ACSS3: variants seen among roughly 807,000 people sequenced by gnomAD.
ACSS3 encodes the protein acyl-CoA synthetase short chain family member 3.
ACSS3 carries 64 observed loss-of-function variants against 84.2 expected under a neutral mutation model. The ratio of observed to expected loss-of-function variants is 0.76; its 90% CI spans 0.62 to 0.94. The LOEUF is 0.94. ACSS3 is among the 40% of genes least tolerant of loss of function. The pLI is 0.00. For synonymous variants in ACSS3, 317 were observed against 310.1 expected, an observed-to-expected ratio of 1.02 and a Z score of -0.23; for missense variants, 815 against 867.6, an observed-to-expected ratio of 0.94 and a Z score of 0.76.
chr12:81,137,950 C>A (rs548031318), intron 3 of ACSS3, among the ~76,000 whole-genome samples: 1 of 152,206 alleles, frequency 6.6e-6, no homozygotes, highest in South Asian at 2.1e-4. Context: ...CAGAACTGGC[C>A]TTCCTTCTGC....
chr12:81,130,521 A>T (rs1361100211), intron 2 of ACSS3, among the ~76,000 whole-genome samples: 2 of 152,076 alleles, frequency 1.3e-5, no homozygotes, highest in Non-Finnish European at 2.9e-5. Flanking sequence ...TAGATTCTGG[A>T]TATTAGCTCT....
intron 2 of ACSS3, among the ~76,000 whole-genome samples, chr12:81,128,988 C>G (rs1424709611): frequency 6.6e-6 from 1 of 152,014 alleles, no homozygotes; most frequent in East Asian, 1.9e-4. Flanking sequence ...GACATTTAGC[C>G]CTGAAAACTA....
intron 7 of ACSS3, among the ~76,000 whole-genome samples, chr12:81,173,383 C>T (rs2030223941): frequency 1.3e-5 from 2 of 151,898 alleles, no homozygotes; most frequent in Admixed American, 6.6e-5. Context: ...TTTTCAGCTG[C>T]AGGAAATACT....
intron 8 of ACSS3, among the ~76,000 whole-genome samples, chr12:81,178,283 G>A (rs1316528391): frequency 6.8e-6 from 1 of 147,076 alleles, no homozygotes; most frequent in African/African-American, 2.5e-5. Flanking sequence ...ATGGACACAG[G>A]AAGGGGAACA....
chr12:81,130,586 A>G (rs1221836351), intron 2 of ACSS3, among the ~76,000 whole-genome samples: 2 of 151,934 alleles, frequency 1.3e-5, no homozygotes, highest in African/African-American at 4.8e-5. Context: ...TTGCATGTTC[A>G]CTCTGATGGT....
At chr12:81,156,623 A>G (rs1432167038) in intron 7 of ACSS3, among the ~76,000 whole-genome samples, 2 of 152,124 alleles carry the variant, frequency 1.3e-5, no homozygotes, top group Non-Finnish European at 2.9e-5. Context: ...ATCACTAAAG[A>G]CGCTGCAGAC....
At chr12:81,140,767 A>G (rs1240706977) in intron 4 of ACSS3, among the ~76,000 whole-genome samples, 3 of 152,186 alleles carry the variant, frequency 2.0e-5, no homozygotes, top group Non-Finnish European at 4.4e-5. Flanking sequence ...GTTTAGAGGA[A>G]TGGCAGGAAC....
At chr12:81,242,911 G>A (rs1324986525) in intron 13 of ACSS3, among the ~76,000 whole-genome samples, 1 of 152,066 alleles carries the variant, frequency 6.6e-6, no homozygotes, top group Non-Finnish European at 1.5e-5. Context: ...AATACTGAAT[G>A]GGCAAAAACT....
At chr12:81,097,992 G>A (rs1882190476) in intron 1 of ACSS3, among the ~76,000 whole-genome samples, 1 of 152,068 alleles carries the variant, frequency 6.6e-6, no homozygotes, top group Non-Finnish European at 1.5e-5. Context: ...ACAATTCTTG[G>A]GCAGCGCCAC....
chr12:81,235,561 T>C (rs1174643639), intron 13 of ACSS3, among the ~76,000 whole-genome samples: 1 of 151,406 alleles, frequency 6.6e-6, no homozygotes, highest in Non-Finnish European at 1.5e-5. Flanking sequence ...GTTAAATCCA[T>C]ATATTGATTG....
At chr12:81,207,048 G>A (rs576945635) in intron 9 of ACSS3, among the ~76,000 whole-genome samples, 136 of 152,248 alleles carry the variant, frequency 8.9e-4, no homozygotes, top group African/African-American at 3.1e-3. Flanking sequence ...GCTTTGGCAA[G>A]GGACTAAACG....
chr12:81,147,386 T>C (rs1886391973), intron 5 of ACSS3, among the ~76,000 whole-genome samples: 1 of 152,184 alleles, frequency 6.6e-6, no homozygotes, highest in South Asian at 2.1e-4. Context: ...AGTCAACAAA[T>C]GTATTAAATG....
intron 1 of ACSS3, among the ~76,000 whole-genome samples, chr12:81,100,629 G>A (rs999678046): frequency 1.3e-5 from 2 of 152,202 alleles, no homozygotes; most frequent in Admixed American, 6.5e-5. Flanking sequence ...CCTAGGCTAT[G>A]CTGCAGAAAT....
At chr12:81,182,662 T>C (rs2031014761) in intron 8 of ACSS3, among the ~76,000 whole-genome samples, 1 of 152,226 alleles carries the variant, frequency 6.6e-6, no homozygotes, top group Non-Finnish European at 1.5e-5. Flanking sequence ...GTTGAGTTTT[T>C]ATCAGCTTAA....
chr12:81,153,386 C>T (rs1422913625), intron 7 of ACSS3, among the ~76,000 whole-genome samples: 8 of 140,028 alleles, frequency 5.7e-5, no homozygotes, highest in East Asian at 2.1e-4. Context: ...CCAGCCTGGG[C>T]GACAGAGTGA....
intron 7 of ACSS3, among the ~76,000 whole-genome samples, chr12:81,165,063 C>T (rs1887335352): frequency 1.3e-5 from 2 of 152,136 alleles, no homozygotes; most frequent in Non-Finnish European, 2.9e-5. Flanking sequence ...ATAATTTGAT[C>T]TTCCCAATTG....
At chr12:81,224,629 G>A (rs1378474572) in intron 11 of ACSS3, among the ~76,000 whole-genome samples, 9 of 151,050 alleles carry the variant, frequency 6.0e-5, no homozygotes, top group Non-Finnish European at 1.0e-4. Context: ...CCTATTATCC[G>A]TAGTTTCACT....
At chr12:81,168,342 T>C (rs1215189050) in intron 7 of ACSS3, among the ~76,000 whole-genome samples, 1 of 152,148 alleles carries the variant, frequency 6.6e-6, no homozygotes. Context: ...TCGACAATTT[T>C]TGTTTATAGA....
intron 8 of ACSS3, among the ~76,000 whole-genome samples, chr12:81,196,100 T>G (rs1273257625): frequency 6.6e-6 from 1 of 152,232 alleles, no homozygotes; most frequent in Non-Finnish European, 1.5e-5. Flanking sequence ...CCCACACATG[T>G]ACATGCATAC....
Sources: gnomAD v4.1 joint callset for allele counts (sites outside exome capture counted in the v4.1 genomes callset) on GRCh38, gnomAD v4.1.1 for gene constraint, MANE v1.5 for transcripts, NCBI Gene and HGNC (gene_info 2026-07-23, HGNC 2026-07-21) for gene names.